Variants in STK24 observed in about 807,000 individuals in gnomAD.
STK24 encodes the protein serine/threonine kinase 24.
In STK24, 21 loss-of-function variants were observed where a neutral mutation model predicts 55.6. The observed-to-expected ratio is 0.38, with a 90% CI of 0.27 to 0.54. The LOEUF (loss-of-function observed/expected upper bound fraction) is 0.54, where lower values mean the gene tolerates loss of function less well. STK24 is among the 20% of genes least tolerant of loss of function. STK24 has a pLI of 0.79. For missense variants in STK24, 383 were observed against 538.4 expected, an observed-to-expected ratio of 0.71 and a Z score of 2.86; for synonymous variants, 200 against 215.2, an observed-to-expected ratio of 0.93 and a Z score of 0.62.
intron 2 of STK24, among the ~76,000 whole-genome samples, chr13:98,509,960 G>A (rs150011782): frequency 5.3e-5 from 8 of 152,270 alleles, no homozygotes; most frequent in East Asian, 1.9e-4. Context: ...ATTTGACCAC[G>A]ACATATTATA....
intron 5 of STK24, among the ~76,000 whole-genome samples, chr13:98,472,462 A>G (rs930515606): frequency 3.3e-5 from 5 of 152,166 alleles, no homozygotes; most frequent in Non-Finnish European, 5.9e-5. Context: ...CCAAGAGCGG[A>G]AGATCTTCAC....
At chr13:98,490,233 C>T (rs1359544581) in intron 2 of STK24, among the ~76,000 whole-genome samples, 1 of 152,152 alleles carries the variant, frequency 6.6e-6, no homozygotes, top group Non-Finnish European at 1.5e-5. Flanking sequence ...AGATATAAAC[C>T]TTTTTCTCTC....
At chr13:98,543,193 C>CA (rs1042755181) in intron 1 of STK24, among the ~76,000 whole-genome samples, 21 of 151,742 alleles carry the variant, frequency 1.4e-4, no homozygotes, top group African/African-American at 4.8e-4. Context: ...TTTTTTTCCC[C>CA]AAAAAAAGAG....
intron 1 of STK24, among the ~76,000 whole-genome samples, chr13:98,569,625 A>G (rs4771307): frequency 0.25 from 37,794 of 151,850 alleles, 5,854 homozygotes; most frequent in East Asian, 0.42. Flanking sequence ...GAGAAGCATT[A>G]CCAAAAGAAA....
intron 9 of STK24, among the ~76,000 whole-genome samples, chr13:98,458,331 T>G (rs752937043): frequency 2.4e-4 from 37 of 152,114 alleles, no homozygotes; most frequent in Admixed American, 5.2e-4. Flanking sequence ...GGACACCGCC[T>G]CCTCTTCAGG....
Position 98,471,451 on chromosome 13 carries a change from C to T in STK24, c.597+3370G>A, listed in dbSNP as rs574231152. On this transcript the variant is annotated intron_variant, in intron 5 of 10. Transcript: ENST00000539966. ...CTAGTGTTGAAACCGGAGGCTTCTT[C>T]GCAGTGAGCAGAGGTATCTCCCTTA... is the stretch of plus-strand genomic sequence containing the variant. Among the ~76,000 whole-genome samples the T allele has an allele frequency of 3.3e-5, 5 of 152,334 alleles. No individual in the cohort carries two copies. The South Asian group carries it at 8.3e-4, about 25-fold the overall frequency.
chr13:98,476,046 CTATTA>C, intron 3 of STK24, among the ~76,000 whole-genome samples: 1 of 151,672 alleles, frequency 6.6e-6, no homozygotes, highest in Admixed American at 6.6e-5. Context: ...ATAATAATAA[CTATTA>C]TATTATCCCT....
intron 1 of STK24, among the ~76,000 whole-genome samples, chr13:98,561,977 C>CAA (rs10564690): frequency 0.012 from 642 of 52,364 alleles, 2 homozygotes; most frequent in East Asian, 0.019. Flanking sequence ...GACTCCGTCT[C>CAA]AAAAAAAAAA....
chr13:98,559,328 C>T (rs1192392857), intron 1 of STK24, among the ~76,000 whole-genome samples: 1 of 152,114 alleles, frequency 6.6e-6, no homozygotes, highest in Non-Finnish European at 1.5e-5. Flanking sequence ...TTTTCCCATC[C>T]TCTTCGCATG....
chr13:98,520,548 A>C (rs1170457191), intron 1 of STK24, among the ~76,000 whole-genome samples: 1 of 152,236 alleles, frequency 6.6e-6, no homozygotes, highest in African/African-American at 2.4e-5. Flanking sequence ...AAGGAGGTAA[A>C]GAAAGAGAAT....
At chr13:98,484,209 T>A (rs1413729508) in intron 2 of STK24, among the ~76,000 whole-genome samples, 1 of 152,202 alleles carries the variant, frequency 6.6e-6, no homozygotes, top group East Asian at 1.9e-4. Flanking sequence ...GCTTCCACAA[T>A]GCTTGCTCCT....
At chr13:98,564,361 G>A (rs555633750) in intron 1 of STK24, among the ~76,000 whole-genome samples, 57 of 152,324 alleles carry the variant, frequency 3.7e-4, no homozygotes, top group South Asian at 1.2e-3. Flanking sequence ...GAGCTTGCTC[G>A]GGGGCTTCCC....
intron 6 of STK24, among the ~76,000 whole-genome samples, 185 bp from the exon 7 acceptor site, chr13:98,464,021 G>A (rs1893829671): frequency 6.6e-6 from 1 of 152,172 alleles, no homozygotes; most frequent in South Asian, 2.1e-4. Context: ...CCTGGGCTCT[G>A]GGTGCTATGG....
rs570441923 is a variant in STK24 at position 98,482,023 on chromosome 13, C to T, written c.330+242G>A. 1.5e-4 allele frequency among the ~76,000 whole-genome samples: 23 copies of T among 150,554 alleles called. No homozygotes were observed. In the South Asian group the frequency reaches 3.4e-3, roughly 22 times the overall value. ...TAGAGGTAGCAGTGAGCTGAGATTG[C>T]GCCACTGCACTTCAGCCTGGGTAAC... On this transcript the variant is annotated intron_variant, in intron 3 of 10. Transcript: ENST00000539966.
At chr13:98,471,295 AATGCATC>A (rs548076567) in intron 5 of STK24, among the ~76,000 whole-genome samples, 1 of 152,094 alleles carries the variant, frequency 6.6e-6, no homozygotes, top group Non-Finnish European at 1.5e-5. Flanking sequence ...TTTTTCCATC[AATGCATC>A]ACCAGTTTCC....
intron 1 of STK24, among the ~76,000 whole-genome samples, chr13:98,548,984 A>G (rs1897098320): frequency 6.6e-6 from 1 of 152,088 alleles, no homozygotes; most frequent in African/African-American, 2.4e-5. Context: ...GACCCCGATC[A>G]GTGCCCCGGG....
chr13:98,469,435 G>A (rs1449138105), intron 5 of STK24, among the ~76,000 whole-genome samples: 4 of 152,096 alleles, frequency 2.6e-5, no homozygotes, highest in African/African-American at 7.2e-5. Flanking sequence ...TGTAGTTCCA[G>A]CTACTTGGGA....
chr13:98,527,874 C>A (rs1896476825), intron 1 of STK24, among the ~76,000 whole-genome samples: 1 of 152,226 alleles, frequency 6.6e-6, no homozygotes, highest in South Asian at 2.1e-4. Flanking sequence ...TTTATTGGAA[C>A]AAATGTCCCC....
Position 98,446,889 on chromosome 13 carries a change from C to G in STK24, c.*6284G>C. On this transcript the variant is annotated 3_prime_UTR_variant, in exon 11 of 11. Coordinates refer to ENST00000539966, the MANE Select transcript of STK24 (RefSeq NM_001032296.4). ...CTCTTCCAAACATCAGGATTTCTCC[C>G]AAGTCAGCGAGTGAGATGGCCCCAC... 1 of 1,540,822 alleles carries G rather than the reference C, an allele frequency of 6.5e-7. No homozygotes were observed. Among genetic ancestry groups the G allele is most frequent in the African/African-American group, 1.4e-5 (1 of 73,624 alleles).
Sources: allele counts gnomAD v4.1 joint callset (sites outside exome capture counted in the v4.1 genomes callset), GRCh38; gene constraint gnomAD v4.1.1; transcripts MANE v1.5; gene names NCBI Gene and HGNC (gene_info 2026-07-23, HGNC 2026-07-21).